SI: variants seen among roughly 807,000 people sequenced by gnomAD.
SI encodes the protein sucrase-isomaltase, intestinal.
Under a neutral mutation model 253.3 loss-of-function variants are expected in SI, and 235 were observed. The observed-to-expected ratio is 0.93, with a 90% confidence interval of 0.83 to 1.03. The LOEUF (loss-of-function observed/expected upper bound fraction) is 1.03. Ranked by LOEUF, SI falls within the 50% of genes least tolerant of loss-of-function variation. SI has a pLI of 0.00. For synonymous variants in SI, 819 were observed against 712.0 expected (o/e 1.15, Z -2.39); for missense variants, 2,442 against 2,211.1 (o/e 1.10, Z -2.09).
At chr3:164,982,459 A>G (rs1202151875) in intron 46 of SI, 49 bp from the exon 47 acceptor site, 22 of 1,414,120 alleles carry the variant, frequency 1.6e-5, no homozygotes, top group Non-Finnish European at 2.2e-5. Flanking sequence ...TTGCAAAAGC[A>G]ATTAAAACTT....
At chr3:164,988,911 A>G (rs966793358) in intron 44 of SI, among the ~76,000 whole-genome samples, 1 of 152,098 alleles carries the variant, frequency 6.6e-6, no homozygotes, top group Admixed American at 6.6e-5. Context: ...GGGCCTGGCC[A>G]GACAATCAGT....
At chr3:165,010,985 G>C (rs1457085151) in intron 34 of SI, among the ~76,000 whole-genome samples, 1 of 152,090 alleles carries the variant, frequency 6.6e-6, no homozygotes, top group Non-Finnish European at 1.5e-5. Flanking sequence ...GTTTTGGTAA[G>C]TTTTAAGCTC....
intron 13 of SI, among the ~76,000 whole-genome samples, chr3:165,053,263 A>G (rs1401570188): frequency 6.6e-6 from 1 of 152,074 alleles, no homozygotes; most frequent in Non-Finnish European, 1.5e-5. Context: ...TCCCAAAGTG[A>G]TTTTAATATT....
chr3:165,032,003 C>T (rs1490802369), intron 24 of SI, among the ~76,000 whole-genome samples: 1 of 150,786 alleles, frequency 6.6e-6, no homozygotes, highest in Non-Finnish European at 1.5e-5. Flanking sequence ...ACAAAAATCA[C>T]AATATAAGGA....
intron 5 of SI, among the ~76,000 whole-genome samples, 170 bp from the exon 6 acceptor site, chr3:165,067,661 G>T (rs1191465524): frequency 1.3e-5 from 2 of 151,932 alleles, no homozygotes; most frequent in African/African-American, 2.4e-5. Context: ...GCTATGCACA[G>T]AAAAAGTGTA....
intron 44 of SI, among the ~76,000 whole-genome samples, chr3:164,991,131 G>A (rs1366707866): frequency 6.6e-6 from 1 of 152,082 alleles, no homozygotes; most frequent in Non-Finnish European, 1.5e-5. Flanking sequence ...ATCCCCATGG[G>A]ACTTGGTGGA....
At position 165,009,289 on chromosome 3, in the gene SI, C is replaced by T; in HGVS notation, c.4169G>A (p.Gly1390Asp). The T allele has an allele frequency of 6.2e-7, 1 of 1,601,214 alleles. No homozygotes were observed. Among genetic ancestry groups the T allele is most frequent in the Non-Finnish European group, 8.6e-7 (1 of 1,168,400 alleles). Reference sequence around the variant, plus strand: ...TCAAAGCTTACTTACAATCCACAAACCATCAAACTTCATCTTTTCATTGTA... The same window carrying T: ...TCAAAGCTTACTTACAATCCACAAATCATCAAACTTCATCTTTTCATTGTA... The part of the protein sequence containing the change: ...DFYNEKMKFD[G>D]LWIDMNEPSS... Residue 1390 changes from glycine to aspartate, a missense_variant, in exon 35 of 48, where the codon GGT (glycine) becomes GAT (aspartate). Gly to Asp is a moderately conservative substitution (Grantham distance 94, BLOSUM62 -1). Coordinates refer to ENST00000264382, the MANE Select transcript of SI (RefSeq NM_001041.4).
rs1364672550 is a variant in SI, at chr3:165,008,027, A to G, written c.4180-29T>C. On this transcript the variant is annotated intron_variant, in intron 35 of 47. Coordinates refer to ENST00000264382, the MANE Select transcript of SI (RefSeq NM_001041.4). ...AAAAAAAGATGAAAGAAAAAGGTAA[A>G]CAAAAGATAAATTTACAACATATAT... The G allele has an allele frequency of 5.9e-6, 7 of 1,178,834 alleles. No homozygotes were observed. The Middle Eastern group carries it at 5.8e-4, about 98-fold the overall frequency. 73.0% of individuals were successfully genotyped at this position (1,178,834 alleles called of 1,614,324 possible). A position where few individuals can be genotyped will look rare whatever the true frequency, so the allele number is the denominator to read the frequency against.
At position 165,072,425 on chromosome 3, in the gene SI, C is replaced by A. The variant is rs201197145; in HGVS notation, c.255+2106G>T. Among the ~76,000 whole-genome samples, 298 of 150,836 alleles carry A rather than the reference C, an allele frequency of 2.0e-3. 2 individuals are homozygous for A. Among genetic ancestry groups the A allele is most frequent in the East Asian group, 0.016 (81 of 5,124 alleles). ...ACATAGCTATAAATAACAACAACAA[C>A]AACAAAAAACCCTGAGTGACAAAGT... On this transcript the variant is annotated intron_variant, in intron 3 of 47. Transcript: ENST00000264382.
rs142881785 is a variant in SI, at chr3:165,004,478, A to T, written c.4406+2338T>A. Among the ~76,000 whole-genome samples the T allele has an allele frequency of 7.4e-4, 112 of 152,304 alleles. 2 individuals are homozygous for T. Among genetic ancestry groups the T allele is most frequent in the African/African-American group, 2.3e-3 (97 of 41,570 alleles). Reference sequence around the variant, plus strand: ...CATCCAAAAGAAAGATATATCAAAAAGATATCTGCCCTCCCATGTTTATTG... The same window carrying T: ...CATCCAAAAGAAAGATATATCAAAATGATATCTGCCCTCCCATGTTTATTG... On this transcript the variant is annotated intron_variant, in intron 37 of 47. Coordinates refer to ENST00000264382, the MANE Select transcript of SI (RefSeq NM_001041.4).
intron 44 of SI, among the ~76,000 whole-genome samples, chr3:164,990,419 T>C (rs1717675588): frequency 6.6e-6 from 1 of 152,092 alleles, no homozygotes; most frequent in African/African-American, 2.4e-5. Flanking sequence ...CATAAAGGTT[T>C]CATTTATATT....
chr3:165,041,869 A>C (rs1473900574), intron 17 of SI, among the ~76,000 whole-genome samples: 2 of 152,124 alleles, frequency 1.3e-5, no homozygotes, highest in African/African-American at 4.8e-5. Context: ...TTGAATGAGC[A>C]TAGTAAGAAC....
Position 164,983,045 on chromosome 3 carries a change from T to C in SI, c.5204A>G (p.Tyr1735Cys). The stretch of plus-strand genomic sequence containing the variant: ...TACAGATAAATATAGGTCTCTTTCA[T>C]AGGTGTCTGTAGAGAGAGAAAAAAA... ...FWDDGESIDT[Y>C]ERDLYLSVQF... The change falls in exon 46 of 48, where the codon TAT becomes TGT. Residue 1735 changes from tyrosine to cysteine, a missense_variant. Physicochemically the swap from Tyr to Cys is radical, Grantham distance 194. Coordinates refer to ENST00000264382, the MANE Select transcript of SI (RefSeq NM_001041.4). 3.2e-6 allele frequency: 5 copies of C among 1,545,146 alleles called. No individual in the cohort carries two copies. Among genetic ancestry groups the C allele is most frequent in the South Asian group, 1.1e-5 (1 of 89,970 alleles).
chr3:165,078,094 A>G (rs1715119318), intron 1 of SI, among the ~76,000 whole-genome samples: 1 of 151,524 alleles, frequency 6.6e-6, no homozygotes, highest in Non-Finnish European at 1.5e-5. Flanking sequence ...AATATATTTA[A>G]GCATACTTTA....
At chr3:165,008,130 A>G in intron 35 of SI, 132 bp from the exon 36 acceptor site, 1 of 505,314 alleles carries the variant, frequency 2.0e-6, no homozygotes, top group East Asian at 3.3e-5. Flanking sequence ...TTCTAAACAA[A>G]CAAAATTGTA....
rs1250849507 is a variant in SI, at chr3:165,063,437, C to A, written c.907+5G>T. The A allele has an allele frequency of 1.6e-6, 2 of 1,241,260 alleles. No homozygotes were observed. Among genetic ancestry groups the A allele is most frequent in the Non-Finnish European group, 2.4e-6 (2 of 844,468 alleles). The allele number at this position is 1,241,260 out of a possible 1,614,324, so 76.9% of individuals were successfully genotyped here. A position where few individuals can be genotyped will look rare whatever the true frequency, so the allele number is the denominator to read the frequency against. ...TAAATATATTATCAAATGAATTATTCTTACCCATTGCATTGCTATTCATTA... is the reference window on the plus strand; with the variant it reads ...TAAATATATTATCAAATGAATTATTATTACCCATTGCATTGCTATTCATTA... On this transcript the variant is annotated splice_donor_5th_base_variant and intron_variant, in intron 8 of 47. Transcript: ENST00000264382.
intron 12 of SI, among the ~76,000 whole-genome samples, chr3:165,057,376 G>T (rs1211728893): frequency 1.3e-5 from 2 of 151,822 alleles, no homozygotes; most frequent in African/African-American, 2.4e-5. Flanking sequence ...CTGAGTTATT[G>T]GCCTTAAAGA....
chr3:164,982,481 C>T (rs1038359180), intron 46 of SI, 71 bp from the exon 47 acceptor site: 13 of 1,113,668 alleles, frequency 1.2e-5, no homozygotes, highest in Admixed American at 3.7e-5. Context: ...AAAAATATGT[C>T]GGTTAACCAA....
At position 165,070,035 on chromosome 3, in the gene SI, T is replaced by C. The variant is rs150006991; in HGVS notation, c.256-840A>G. ...CTCCTATTTTATCCTCAAATTAAAA[T>C]GGTATCAGATACAGACACACACACA... On this transcript the variant is annotated intron_variant, in intron 3 of 47. Coordinates refer to ENST00000264382, the MANE Select transcript of SI (RefSeq NM_001041.4). Among the ~76,000 whole-genome samples, 383 of 148,312 alleles carry C rather than the reference T, an allele frequency of 2.6e-3. 15 individuals carry two copies. In the East Asian group the frequency reaches 0.054, roughly 21 times the overall value.
Sources: allele counts gnomAD v4.1 joint callset (sites outside exome capture counted in the v4.1 genomes callset), GRCh38; gene constraint gnomAD v4.1.1; transcripts MANE v1.5; gene names NCBI Gene and HGNC (gene_info 2026-07-23, HGNC 2026-07-21).